Variants in MAMDC2 observed in about 807,000 individuals in gnomAD.
The protein encoded by MAMDC2 is MAM domain containing 2, also known as MAM domain-containing protein 2.
Under a neutral mutation model 89.8 loss-of-function variants are expected in MAMDC2, and 57 were observed. The ratio of observed to expected loss-of-function variants is 0.63; its 90% CI spans 0.51 to 0.79. MAMDC2 has a LOEUF of 0.79. MAMDC2 is among the 30% of genes least tolerant of loss of function. MAMDC2 has a pLI of 0.00. For synonymous variants in MAMDC2, 313 were observed against 293.4 expected (o/e 1.07, Z -0.68); for missense variants, 800 against 820.6 (o/e 0.97, Z 0.31).
At position 70,108,217 on chromosome 9, in the gene MAMDC2, A is replaced by G. The variant is rs201087006; in HGVS notation, c.155A>G (p.Tyr52Cys). The change falls in exon 3 of 14, where the codon TAC (tyrosine) becomes TGC (cysteine). Residue 52 changes from tyrosine to cysteine, a missense_variant. Physicochemically the swap from Tyr to Cys is radical, Grantham distance 194. Transcript: ENST00000377182. ...TGTTCCTTTCTCTTTCCAGGCCATT[A>G]CATTTATGTGGATACCTCCTTTGGC... ...LPWILNEEGH[Y>C]IYVDTSFGKQ... 1.3e-5 allele frequency: 21 copies of G among 1,586,250 alleles called. No homozygotes were observed. In the East Asian group the frequency reaches 4.7e-4, roughly 36 times the overall value.
In MAMDC2 at chr9:70,108,284, G is replaced by T; in HGVS notation, c.222G>T (p.Gln74His). The change falls in exon 3 of 14, where the codon CAG becomes CAT. Residue 74 changes from glutamine to histidine, a missense_variant. Physicochemically the swap from Gln to His is conservative, Grantham distance 24 (BLOSUM62 0). Transcript: ENST00000377182. ...CTGTGCTGCTAAGTCCTGACTTACA[G>T]GCTGAGGAATGGAGCTGCCTCCGTT... ...EKAVLLSPDL[Q>H]AEEWSCLRLV... 6.2e-7 allele frequency: 1 copy of T among 1,614,062 alleles called. No homozygotes were observed. Among genetic ancestry groups the T allele is most frequent in the Non-Finnish European group, 8.5e-7 (1 of 1,179,948 alleles).
At chr9:70,198,857 T>C (rs1183469175) in intron 11 of MAMDC2, among the ~76,000 whole-genome samples, 1 of 152,138 alleles carries the variant, frequency 6.6e-6, no homozygotes, top group Non-Finnish European at 1.5e-5. Context: ...TCTATAAAAG[T>C]TTGCTATGAG....
intron 11 of MAMDC2, among the ~76,000 whole-genome samples, chr9:70,180,708 G>T (rs1279010736): frequency 2.6e-5 from 4 of 152,034 alleles, no homozygotes; most frequent in Non-Finnish European, 5.9e-5. Flanking sequence ...TTTGATGGGG[G>T]TTGGTTTTTT....
intron 9 of MAMDC2, 132 bp downstream of exon 9, chr9:70,143,951 C>T: frequency 1.9e-6 from 2 of 1,044,802 alleles, no homozygotes; most frequent in Non-Finnish European, 1.4e-6. Flanking sequence ...ACCCTTACAC[C>T]CTACTCCCAG....
At chr9:70,096,801 G>A (rs1828039530) in intron 2 of MAMDC2, among the ~76,000 whole-genome samples, 1 of 152,036 alleles carries the variant, frequency 6.6e-6, no homozygotes, top group Non-Finnish European at 1.5e-5. Context: ...TAGAGGAGTA[G>A]CAGATAGAAG....
At chr9:70,111,975 A>C (rs758403151) in intron 4 of MAMDC2, among the ~76,000 whole-genome samples, 6 of 152,192 alleles carry the variant, frequency 3.9e-5, no homozygotes, top group Non-Finnish European at 8.8e-5. Flanking sequence ...AGACTTGCCA[A>C]CTCATGGCGA....
intron 2 of MAMDC2, among the ~76,000 whole-genome samples, chr9:70,099,135 T>C (rs1046681966): frequency 5.3e-5 from 8 of 150,132 alleles, no homozygotes; most frequent in Non-Finnish European, 9.0e-5. Context: ...TTACATAGTT[T>C]CAGATCAGAC....
At chr9:70,073,675 G>C (rs1166768626) in intron 2 of MAMDC2, among the ~76,000 whole-genome samples, 1 of 152,226 alleles carries the variant, frequency 6.6e-6, no homozygotes, top group Non-Finnish European at 1.5e-5. Context: ...TTTTCAAATA[G>C]TGATCAAGTA....
chr9:70,199,196 A>C (rs2033043229), intron 11 of MAMDC2, among the ~76,000 whole-genome samples: 2 of 13,332 alleles, frequency 1.5e-4, no homozygotes, highest in Non-Finnish European at 4.6e-4. Flanking sequence ...TCCCAATGCT[A>C]TCCCTCCCCC....
intron 5 of MAMDC2, chr9:70,113,983 C>G (rs1464651447): frequency 6.6e-6 from 1 of 152,180 alleles, no homozygotes; most frequent in East Asian, 1.9e-4. Context: ...TTGATGGTGA[C>G]AGTGTGTCCC....
intron 2 of MAMDC2, among the ~76,000 whole-genome samples, chr9:70,061,731 C>T (rs1485606217): frequency 1.3e-5 from 2 of 152,066 alleles, no homozygotes; most frequent in African/African-American, 4.8e-5. Context: ...TAAATGAAAA[C>T]AGAGATGGCT....
At chr9:70,075,487 T>C (rs1827510784) in intron 2 of MAMDC2, among the ~76,000 whole-genome samples, 1 of 152,202 alleles carries the variant, frequency 6.6e-6, no homozygotes, top group Non-Finnish European at 1.5e-5. Context: ...CTCCCTCTGG[T>C]GATTTTTAGA....
intron 2 of MAMDC2, among the ~76,000 whole-genome samples, chr9:70,052,732 A>C (rs747170057): frequency 4.6e-5 from 7 of 152,234 alleles, no homozygotes; most frequent in Non-Finnish European, 1.0e-4. Flanking sequence ...GATGGAAAAA[A>C]AATAAAAAAT....
chr9:70,154,778 C>T (rs2031697763), intron 9 of MAMDC2, among the ~76,000 whole-genome samples: 2 of 152,084 alleles, frequency 1.3e-5, no homozygotes, highest in African/African-American at 2.4e-5. Context: ...TCCCAAAGTG[C>T]TGGGATTACA....
At chr9:70,162,264 T>A (rs1246935612) in intron 9 of MAMDC2, among the ~76,000 whole-genome samples, 2 of 152,188 alleles carry the variant, frequency 1.3e-5, no homozygotes, top group Non-Finnish European at 2.9e-5. Flanking sequence ...CCTTTTGAAC[T>A]ATATAACAAA....
intron 11 of MAMDC2, among the ~76,000 whole-genome samples, chr9:70,199,744 T>A (rs1038954194): frequency 2.8e-4 from 35 of 125,462 alleles, no homozygotes; most frequent in South Asian, 9.4e-4. Context: ...ATTGCCATTC[T>A]AACTGGTGTG....
intron 2 of MAMDC2, among the ~76,000 whole-genome samples, chr9:70,102,078 C>G (rs1828212179): frequency 6.6e-6 from 1 of 151,862 alleles, no homozygotes; most frequent in South Asian, 2.1e-4. Context: ...ATATGAAAAA[C>G]ATATTTCGTA....
chr9:70,092,001 C>A (rs1037742153), intron 2 of MAMDC2, among the ~76,000 whole-genome samples: 4 of 152,116 alleles, frequency 2.6e-5, no homozygotes, highest in Admixed American at 1.3e-4. Flanking sequence ...AAATTTATTG[C>A]CTTAATTTTA....
rs1169288342 is a variant in MAMDC2, at chr9:70,147,171, G to A, written c.1404+3352G>A. Among the ~76,000 whole-genome samples the A allele has an allele frequency of 3.4e-4, 50 of 146,346 alleles. 2 individuals carry two copies. The highest frequency in any genetic ancestry group is 1.2e-3 in the African/African-American group (48 of 39,212). ...CTCAGGAGGCTGAGGCACAAGAATC[G>A]CTTGTGCCACCAGGAGGTGGAGGTT... is the stretch of plus-strand genomic sequence containing the variant. On this transcript the variant is annotated intron_variant, in intron 9 of 13. Coordinates refer to ENST00000377182, the MANE Select transcript of MAMDC2 (RefSeq NM_153267.5).
Sources: allele counts gnomAD v4.1 joint callset (sites outside exome capture counted in the v4.1 genomes callset), GRCh38; gene constraint gnomAD v4.1.1; transcripts MANE v1.5; gene names NCBI Gene and HGNC (gene_info 2026-07-23, HGNC 2026-07-21).